Variants in POLR2F observed in about 807,000 individuals in gnomAD.
The protein encoded by POLR2F is RNA polymerase II, I and III subunit F.
Under a neutral mutation model 22.7 loss-of-function variants are expected in POLR2F, and 12 were observed. The ratio of observed to expected loss-of-function variants is 0.53; its 90% CI spans 0.34 to 0.86. The LOEUF (loss-of-function observed/expected upper bound fraction) is 0.86. POLR2F is among the 40% of genes least tolerant of loss of function. The pLI is 0.02. For missense variants in POLR2F, 126 were observed against 171.5 expected, an observed-to-expected ratio of 0.73 and a Z score of 1.48; for synonymous variants, 57 against 66.0, an observed-to-expected ratio of 0.86 and a Z score of 0.66.
chr22:38,001,362 C>T (rs2084768028), intron 1 of POLR2F, among the ~76,000 whole-genome samples: 1 of 152,144 alleles, frequency 6.6e-6, no homozygotes, highest in African/African-American at 2.4e-5. Flanking sequence ...CTTATAGAGA[C>T]ACAGTTGACA....
Position 37,986,290 on chromosome 22 carries a change from C to T in POLR2F, c.100C>T (p.Leu34=). ...CCGCTGCTGCCCGCCCGCTGCCTGC[C>T]TGCCTGGCATCTCTCTCTCCCGGTG... The change falls in exon 1 of 3, where the codon CTG becomes TTG. Residue 34 remains leucine (L), a synonymous_variant. Coordinates refer to the POLR2F transcript ENST00000333418. This position sits in a 1 kb window ranked among gnomAD's most constrained non-coding sequence, Gnocchi z 4.7. 1 of 1,538,428 alleles carries T rather than the reference C, an allele frequency of 6.5e-7. No homozygotes were observed. The highest frequency in any genetic ancestry group is 8.7e-7 in the Non-Finnish European group (1 of 1,146,828).
In POLR2F at chr22:37,986,895, G is replaced by A. The variant is rs1410130480; in HGVS notation, c.120+583G>A. ...GTCATTCCTGAAGAGCAGGGAGCTT[G>A]GAGAGGGGAGGGATCCTGGCTGAAG... On this transcript the variant is annotated intron_variant, in intron 1 of 2. Coordinates refer to the POLR2F transcript ENST00000333418. The surrounding 1 kb of genome is among the most constrained non-coding windows in gnomAD (Gnocchi z 4.7). 1 of 451,258 alleles carries A rather than the reference G, an allele frequency of 2.2e-6. No individual in the cohort carries two copies. The highest frequency in any genetic ancestry group is 1.6e-5 in the South Asian group (1 of 64,180). The allele number at this position is 451,258 out of a possible 1,614,324, so 28.0% of individuals were successfully genotyped here. A position where few individuals can be genotyped will look rare whatever the true frequency, so the allele number is the denominator to read the frequency against.
rs553105397 is a variant in POLR2F, at chr22:38,013,033, C to G, written c.121-12836C>G. On this transcript the variant is annotated intron_variant, in intron 1 of 2. Coordinates refer to the POLR2F transcript ENST00000333418. ...GGAAATGAAGCTGCACCTCCTGCCCCACAGAACTTATTCTAGCACTCCCTC... is the reference window on the plus strand; with the variant it reads ...GGAAATGAAGCTGCACCTCCTGCCCGACAGAACTTATTCTAGCACTCCCTC... 2.6e-5 allele frequency among the ~76,000 whole-genome samples: 4 copies of G among 152,310 alleles called. No homozygotes were observed. In the South Asian group the frequency reaches 8.3e-4, roughly 32 times the overall value.
chr22:38,038,605 T>G (rs2085139505), intron 5 of POLR2F, among the ~76,000 whole-genome samples: 1 of 151,978 alleles, frequency 6.6e-6, no homozygotes, highest in African/African-American at 2.4e-5. Flanking sequence ...TCTCCCTGTC[T>G]CTCTCTGCTC....
In POLR2F at chr22:38,002,260, C is replaced by T. The variant is rs3026660; in HGVS notation, c.120+15948C>T. 9.9e-3 allele frequency among the ~76,000 whole-genome samples: 1,497 copies of T among 151,942 alleles called. 27 individuals are homozygous for T. Among genetic ancestry groups the T allele is most frequent in the African/African-American group, 0.035 (1,449 of 41,408 alleles). ...TAAGAACTAAAGAAGAAAACTCCAG[C>T]TCCAAAGTATACAAAAATAGCAACA... On this transcript the variant is annotated intron_variant, in intron 1 of 2. Transcript: ENST00000333418.
chr22:38,002,130 G>A (rs1569177620), intron 1 of POLR2F, among the ~76,000 whole-genome samples: 1 of 150,674 alleles, frequency 6.6e-6, no homozygotes, highest in East Asian at 1.9e-4. Flanking sequence ...GATTACATGC[G>A]CGAGCCAGCA....
upstream of POLR2F, among the ~76,000 whole-genome samples, chr22:37,985,465 G>A (rs769171040): frequency 2.1e-4 from 32 of 151,930 alleles, no homozygotes; most frequent in Non-Finnish European, 3.8e-4. Flanking sequence ...CCCATCCTCC[G>A]TTGACACCTT....
chr22:37,983,473 G>A, upstream of POLR2F: 1 of 1,612,320 alleles, frequency 6.2e-7, no homozygotes, highest in Non-Finnish European at 8.5e-7. The surrounding 1 kb of genome is among the most constrained non-coding windows in gnomAD (Gnocchi z 9.5). Flanking sequence ...TGGGCCGCTT[G>A]ACGTGCGGCT....
intron 5 of POLR2F, among the ~76,000 whole-genome samples, chr22:38,039,406 A>T (rs1208854245): frequency 6.6e-6 from 1 of 152,144 alleles, no homozygotes. Context: ...GGGACGGCTG[A>T]TGATGCCATT....
intron 3 of POLR2F, among the ~76,000 whole-genome samples, chr22:37,960,396 G>A (rs1931584411): frequency 6.6e-6 from 1 of 151,444 alleles, no homozygotes; most frequent in African/African-American, 2.4e-5. Context: ...GCTAATTTTT[G>A]TATTTTTTCT....
At chr22:38,040,860 G>A (rs1252298544) in intron 5 of POLR2F, 4 of 704,620 alleles carry the variant, frequency 5.7e-6, no homozygotes, top group Non-Finnish European at 9.4e-6. Flanking sequence ...TGTAATGGCA[G>A]CTTTTATAAA....
chr22:37,995,676 G>A (rs2084706170), intron 1 of POLR2F, among the ~76,000 whole-genome samples: 4 of 152,012 alleles, frequency 2.6e-5, no homozygotes, highest in South Asian at 4.2e-4. Flanking sequence ...AGAATGGGGG[G>A]TAAAAAGCTG....
In POLR2F at chr22:37,967,772, G is replaced by A. The variant is rs1931917305; in HGVS notation, c.*57G>A. 9.6e-6 allele frequency: 15 copies of A among 1,563,584 alleles called. No homozygotes were observed. In the Admixed American group the frequency reaches 3.0e-4, roughly 31 times the overall value. ...CCCAATTTTCATTCTCACTTTATAT[G>A]TGTAAATAATAAAATATTCAACTTT... On this transcript the variant is annotated 3_prime_UTR_variant, in exon 5 of 5. Coordinates refer to ENST00000442738, the MANE Select transcript of POLR2F (RefSeq NM_021974.5).
intron 5 of POLR2F, chr22:38,040,302 A>AAG (rs1392575397): frequency 6.6e-6 from 1 of 152,142 alleles, no homozygotes; most frequent in East Asian, 1.9e-4. Context: ...AAAAAAAAAA[A>AAG]AAAGAAATTG....
downstream of POLR2F, chr22:37,974,242 A>C: frequency 2.0e-6 from 3 of 1,489,592 alleles, no homozygotes; most frequent in South Asian, 3.5e-5. The surrounding 1 kb of genome is among the most constrained non-coding windows in gnomAD (Gnocchi z 5.4). Context: ...AGGGGGAAGC[A>C]GGTTAGAGGC....
chr22:38,014,768 C>A lies in POLR2F; in HGVS notation c.121-11101C>A, dbSNP rs543267064. 1.2e-3 allele frequency among the ~76,000 whole-genome samples: 186 copies of A among 150,606 alleles called. 1 individual carries two copies. The highest frequency in any genetic ancestry group is 2.2e-3 in the Non-Finnish European group (148 of 67,716). On this transcript the variant is annotated intron_variant, in intron 1 of 2. Coordinates refer to the POLR2F transcript ENST00000333418. Reference sequence around the variant, plus strand: ...AAAGTGCTGGGGTTACAGGTGTGAGCCACTGGGCCTGGCTCACACCTGTAT... The same window carrying A: ...AAAGTGCTGGGGTTACAGGTGTGAGACACTGGGCCTGGCTCACACCTGTAT...
intron 1 of POLR2F, among the ~76,000 whole-genome samples, chr22:38,021,423 C>T (rs900006389): frequency 6.6e-6 from 1 of 152,158 alleles, no homozygotes; most frequent in African/African-American, 2.4e-5. Flanking sequence ...TTTCTCCCAT[C>T]TGTTAAAGGA....
chr22:38,026,835 C>T (rs537113454), downstream of POLR2F: 7 of 155,160 alleles, frequency 4.5e-5, no homozygotes, highest in Non-Finnish European at 7.1e-5. Context: ...CCACCGCCCC[C>T]CAGAAGAGAC....
At chr22:37,985,818 AACACAC>A (rs60447362), upstream of POLR2F, among the ~76,000 whole-genome samples, 82,895 of 144,244 alleles carry the variant, frequency 0.57, 23,611 homozygotes, top group East Asian at 0.61. Context: ...CAGACACTGG[AACACAC>A]ACACACACAC....
Sources: gnomAD v4.1 joint callset for allele counts (sites outside exome capture counted in the v4.1 genomes callset) on GRCh38, gnomAD v4.1.1 for gene constraint, Gnocchi (gnomAD v3.1) non-coding constraint, MANE v1.5 for transcripts, NCBI Gene and HGNC (gene_info 2026-07-23, HGNC 2026-07-21) for gene names.